TNS3: variants seen among roughly 807,000 people sequenced by gnomAD.
TNS3 encodes tensin 3.
Under a neutral mutation model 140.9 loss-of-function variants are expected in TNS3, and 45 were observed. The observed-to-expected ratio is 0.32, with a 90% CI of 0.25 to 0.41. The LOEUF (loss-of-function observed/expected upper bound fraction) is 0.41, where lower values mean the gene tolerates loss of function less well. Among genes scored for constraint, TNS3 ranks in the 10% least tolerant of loss-of-function variants. The pLI is 1.00. For synonymous variants in TNS3, 815 were observed against 788.4 expected, an observed-to-expected ratio of 1.03 and a Z score of -0.56; for missense variants, 1,716 against 1,906.7, an observed-to-expected ratio of 0.90 and a Z score of 1.86.
intron 27 of TNS3, among the ~76,000 whole-genome samples, chr7:47,285,171 G>A (rs1445861452): frequency 6.6e-6 from 1 of 152,210 alleles, no homozygotes; most frequent in Non-Finnish European, 1.5e-5. Flanking sequence ...GTGTCACAGT[G>A]CAGGGTGACT....
chr7:47,389,013 A>C (rs1374762544), intron 16 of TNS3, among the ~76,000 whole-genome samples: 50 of 2,776 alleles, frequency 0.018, 10 homozygotes, highest in Non-Finnish European at 0.039. Flanking sequence ...GAAGAAGAAG[A>C]AGAAGAAGAA....
chr7:47,438,514 G>A lies in TNS3; in HGVS notation c.150+973C>T, dbSNP rs527426696. On this transcript the variant is annotated intron_variant, in intron 6 of 30. Coordinates refer to ENST00000311160, the MANE Select transcript of TNS3 (RefSeq NM_022748.12). ...AGGAGGAGAGGGCCCCTGGTGAGAG[G>A]CACCACCATCAAATGGGGCTTGGCC... Among the ~76,000 whole-genome samples, 42 of 152,288 alleles carry A rather than the reference G, an allele frequency of 2.8e-4. No individual in the cohort carries two copies. In the Middle Eastern group the frequency reaches 0.01, roughly 37 times the overall value.
intron 4 of TNS3, among the ~76,000 whole-genome samples, chr7:47,448,866 C>T (rs781279252): frequency 6.6e-6 from 1 of 152,190 alleles, no homozygotes; most frequent in South Asian, 2.1e-4. Context: ...GTAATGAAAT[C>T]TGAAATCAGA....
At chr7:47,439,877 G>A (rs1562744409) in intron 5 of TNS3, among the ~76,000 whole-genome samples, 1 of 152,148 alleles carries the variant, frequency 6.6e-6, no homozygotes. Flanking sequence ...TTTCCTAGCA[G>A]GGCATGACGG....
chr7:47,575,791 C>G (rs1438758325), intron 1 of TNS3, among the ~76,000 whole-genome samples: 1 of 144,656 alleles, frequency 6.9e-6, no homozygotes, highest in Admixed American at 7.1e-5. Context: ...CCACTACACT[C>G]CAGCCTGGGT....
chr7:47,565,239 G>A (rs1210479389), intron 1 of TNS3, among the ~76,000 whole-genome samples: 12 of 151,678 alleles, frequency 7.9e-5, no homozygotes, highest in East Asian at 3.9e-4. Flanking sequence ...CACCAAGCCC[G>A]GCTAATTTTT....
rs746721101 is a variant in TNS3, at chr7:47,303,224, G to A, written c.3183C>T (p.Ala1061=). 7 of 1,613,748 alleles carry A rather than the reference G, an allele frequency of 4.3e-6. No individual in the cohort carries two copies. The highest frequency in any genetic ancestry group is 2.2e-5 in the South Asian group (2 of 91,080). ...AGTTGTGGGACAGGAAGCCATTGTC[G>A]GCAGCCCCTGTCGCTGTCAGCGGGA... ...PSIPLTATGA[A]DNGFLSHNFL... is the part of the protein sequence containing the mutation. Residue 1061 remains alanine (A), a synonymous_variant, in exon 22 of 31, where the codon GCC becomes GCT. Transcript: ENST00000311160.
intron 4 of TNS3, among the ~76,000 whole-genome samples, chr7:47,471,216 G>A (rs979752283): frequency 6.6e-6 from 1 of 152,166 alleles, no homozygotes; most frequent in Non-Finnish European, 1.5e-5. Flanking sequence ...GAGGGTGGGG[G>A]TGCCACAACC....
chr7:47,361,003 G>A (rs554317580), intron 17 of TNS3, among the ~76,000 whole-genome samples: 2 of 151,888 alleles, frequency 1.3e-5, no homozygotes, highest in Admixed American at 6.6e-5. Context: ...CAGCTGCTAC[G>A]GGCGCAGGCG....
rs563832672 is a variant in TNS3, at chr7:47,567,322, T to C, written c.-265+14729A>G. Among the ~76,000 whole-genome samples the C allele has an allele frequency of 5.3e-5, 8 of 152,250 alleles. No individual in the cohort carries two copies. The South Asian group carries it at 1.5e-3, about 28-fold the overall frequency. Reference sequence around the variant, plus strand: ...TACAAGGTAAACATACAAAAGTCAATTGCATTTCTATGTACTAGTAATGAA... The same window carrying C: ...TACAAGGTAAACATACAAAAGTCAACTGCATTTCTATGTACTAGTAATGAA... On this transcript the variant is annotated intron_variant, in intron 1 of 30. Coordinates refer to ENST00000311160, the MANE Select transcript of TNS3 (RefSeq NM_022748.12).
rs146589110 is a variant in TNS3 at position 47,423,247 on chromosome 7, T to C, written c.473+854A>G. On this transcript the variant is annotated intron_variant, in intron 10 of 30. Transcript: ENST00000311160. Reference sequence around the variant, plus strand: ...ACCATTTGGCAATCACCTTGGCAATTCTCCTACAAATTCCCTGCTGTGGGC... The same window carrying C: ...ACCATTTGGCAATCACCTTGGCAATCCTCCTACAAATTCCCTGCTGTGGGC... Among the ~76,000 whole-genome samples, 292 of 152,292 alleles carry C rather than the reference T, an allele frequency of 1.9e-3. 1 individual carries two copies. The highest frequency in any genetic ancestry group is 6.8e-3 in the African/African-American group (281 of 41,570).
rs533722727 is a variant in TNS3, at chr7:47,493,658, A to T, written c.-114-12517T>A. ...ACGCTGAAACCCTGTCTCTACTAAA[A>T]ATACAAAAAAAAAAAAAAAAATAGC... On this transcript the variant is annotated intron_variant, in intron 3 of 30. Transcript: ENST00000311160. Among the ~76,000 whole-genome samples, 980 of 131,796 alleles carry T rather than the reference A, an allele frequency of 7.4e-3. 7 individuals are homozygous for T. Among genetic ancestry groups the T allele is most frequent in the Middle Eastern group, 0.015 (4 of 274 alleles). 86.5% of individuals were successfully genotyped at this position (131,796 alleles called of 152,430 possible). A position where few individuals can be genotyped will look rare whatever the true frequency, so the allele number is the denominator to read the frequency against.
intron 13 of TNS3, among the ~76,000 whole-genome samples, chr7:47,404,867 G>A (rs1459265117): frequency 6.6e-6 from 1 of 151,892 alleles, no homozygotes; most frequent in East Asian, 1.9e-4. Context: ...CTGGGTGACA[G>A]AGAGACACTC....
chr7:47,531,799 C>G (rs2151945333), intron 1 of TNS3, among the ~76,000 whole-genome samples: 1 of 152,316 alleles, frequency 6.6e-6, no homozygotes, highest in South Asian at 2.1e-4. Flanking sequence ...GTGGGAACTC[C>G]CTGGGTGCCA....
At chr7:47,409,613 G>A (rs997883096) in intron 13 of TNS3, among the ~76,000 whole-genome samples, 5 of 152,044 alleles carry the variant, frequency 3.3e-5, no homozygotes, top group Admixed American at 1.3e-4. Flanking sequence ...AGATGAGGGC[G>A]GGTGCAAATC....
chr7:47,425,771 T>A (rs934687728), intron 9 of TNS3, among the ~76,000 whole-genome samples: 1 of 152,226 alleles, frequency 6.6e-6, no homozygotes, highest in African/African-American at 2.4e-5. Flanking sequence ...ACTGGTTTTG[T>A]CTTTATAACT....
At chr7:47,511,152 C>T (rs1278155137) in intron 2 of TNS3, among the ~76,000 whole-genome samples, 1 of 152,174 alleles carries the variant, frequency 6.6e-6, no homozygotes, top group African/African-American at 2.4e-5. Flanking sequence ...TTTCAGATTC[C>T]ACAGTGAAAC....
intron 1 of TNS3, among the ~76,000 whole-genome samples, chr7:47,563,539 T>A (rs1485097922): frequency 6.6e-6 from 1 of 152,260 alleles, no homozygotes; most frequent in East Asian, 1.9e-4. Flanking sequence ...ACCAATCCTA[T>A]CCTGGGGAGA....
intron 11 of TNS3, 38 bp from the exon 12 acceptor site, chr7:47,414,035 G>A (rs187669412): frequency 5.9e-5 from 94 of 1,602,662 alleles, no homozygotes; most frequent in East Asian, 5.4e-4. Context: ...AGGCATGACC[G>A]GTACAGAACG....
Sources: gnomAD v4.1 joint callset for allele counts (sites outside exome capture counted in the v4.1 genomes callset) on GRCh38, gnomAD v4.1.1 for gene constraint, MANE v1.5 for transcripts, NCBI Gene and HGNC (gene_info 2026-07-23, HGNC 2026-07-21) for gene names.